The following BRIP1 variants were observed in gnomAD, a reference collection of about 807,000 sequenced individuals.
The protein encoded by BRIP1 is BRCA1 interacting DNA helicase 1.
A neutral mutation model predicts 119.7 loss-of-function variants in BRIP1; 88 were observed. That is an observed-to-expected ratio of 0.74 (90% confidence interval 0.62 to 0.88). The LOEUF is 0.88. BRIP1 is among the 40% of genes least tolerant of loss of function. The pLI is 0.00. For missense variants in BRIP1, 1,259 were observed against 1,455.4 expected, an observed-to-expected ratio of 0.87 and a Z score of 2.20; for synonymous variants, 443 against 496.5, an observed-to-expected ratio of 0.89 and a Z score of 1.43.
rs987810615 is a variant in BRIP1 at position 61,754,879 on chromosome 17, G to A, written c.2098-10288C>T. ...CTATCAGATAAGGAAGGCCCTTACA[G>A]CCTCATTTAACCGCAATTACTTCCT... On this transcript the variant is annotated intron_variant, in intron 14 of 19. Coordinates refer to ENST00000259008, the MANE Select transcript of BRIP1 (RefSeq NM_032043.3). The surrounding 1 kb of genome is among the most constrained non-coding windows in gnomAD (Gnocchi z 4.1). 4.6e-5 allele frequency among the ~76,000 whole-genome samples: 7 copies of A among 152,092 alleles called. No homozygotes were observed. Among genetic ancestry groups the A allele is most frequent in the Admixed American group, 4.6e-4 (7 of 15,266 alleles).
intron 16 of BRIP1, among the ~76,000 whole-genome samples, chr17:61,721,574 C>G (rs986968800): frequency 2.6e-5 from 4 of 151,596 alleles, no homozygotes; most frequent in African/African-American, 4.8e-5. Context: ...TGGCCAAAAT[C>G]TAAAAACCCA....
In BRIP1 at chr17:61,729,855, G is replaced by C. The variant is rs186612309; in HGVS notation, c.2379+13158C>G. Among the ~76,000 whole-genome samples, 3 of 152,102 alleles carry C rather than the reference G, an allele frequency of 2.0e-5. No homozygotes were observed. In the East Asian group the frequency reaches 5.8e-4, roughly 29 times the overall value. On this transcript the variant is annotated intron_variant, in intron 16 of 19. Coordinates refer to ENST00000259008, the MANE Select transcript of BRIP1 (RefSeq NM_032043.3). This position sits in a 1 kb window ranked among gnomAD's most constrained non-coding sequence, Gnocchi z 5.6. ...TTTGGGTTATCACAACTGGTGGCAGGGTGACCGTGGGGGGTGTCTAGATCC... is the reference window on the plus strand; with the variant it reads ...TTTGGGTTATCACAACTGGTGGCAGCGTGACCGTGGGGGGTGTCTAGATCC...
Position 61,832,416 on chromosome 17 carries a change from T to A in BRIP1, c.627+14685A>T, listed in dbSNP as rs1189616197. On this transcript the variant is annotated intron_variant, in intron 6 of 19. Transcript: ENST00000259008. This position sits in a 1 kb window ranked among gnomAD's most constrained non-coding sequence, Gnocchi z 5.5. ...TTCTTCCCCATAAAGTCCTCTTTTA[T>A]AAAGGCAAAAAGATAACTGTAAAGT... is the stretch of plus-strand genomic sequence containing the variant. Among the ~76,000 whole-genome samples the A allele has an allele frequency of 6.6e-6, 1 of 152,208 alleles. No individual in the cohort carries two copies. Among genetic ancestry groups the A allele is most frequent in the Non-Finnish European group, 1.5e-5 (1 of 68,020 alleles).
At chr17:61,849,295 T>TA (rs748240637) in intron 4 of BRIP1, 39 bp from the exon 5 acceptor site, 3 of 1,573,870 alleles carry the variant, frequency 1.9e-6, no homozygotes, top group Non-Finnish European at 2.6e-6. Flanking sequence ...ATAAATAACT[T>TA]ACAGGTAGGC....
At position 61,844,803 on chromosome 17, in the gene BRIP1, T is replaced by G. The variant is rs2078704780; in HGVS notation, c.627+2298A>C. Among the ~76,000 whole-genome samples the G allele has an allele frequency of 6.6e-6, 1 of 152,234 alleles. No homozygotes were observed. The highest frequency in any genetic ancestry group is 1.5e-5 in the Non-Finnish European group (1 of 68,034). On this transcript the variant is annotated intron_variant, in intron 6 of 19. Transcript: ENST00000259008. This position sits in a 1 kb window ranked among gnomAD's most constrained non-coding sequence, Gnocchi z 4.7. ...GCATTTGCCAGAACATGAGAATGCCTAGGCAGGATTTAGCTCTACTATTTA... is the reference window on the plus strand; with the variant it reads ...GCATTTGCCAGAACATGAGAATGCCGAGGCAGGATTTAGCTCTACTATTTA...
intron 14 of BRIP1, among the ~76,000 whole-genome samples, chr17:61,749,818 T>C (rs2077108858): frequency 1.3e-5 from 2 of 152,244 alleles, no homozygotes; most frequent in South Asian, 4.1e-4. Context: ...ATGGAAATGT[T>C]TTCCTAATTT....
At position 61,679,554 on chromosome 17, in the gene BRIP1, A is replaced by G. The variant is rs1031254491; in HGVS notation, c.*3742T>C. Reference sequence around the variant, plus strand: ...TGTCACATAAATTATTTGATAAACAATCTCTACCTTATACATCTCAAAAGC... The same window carrying G: ...TGTCACATAAATTATTTGATAAACAGTCTCTACCTTATACATCTCAAAAGC... On this transcript the variant is annotated 3_prime_UTR_variant, in exon 20 of 20. Transcript: ENST00000259008. This position sits in a 1 kb window ranked among gnomAD's most constrained non-coding sequence, Gnocchi z 4.4. 1.3e-5 allele frequency among the ~76,000 whole-genome samples: 2 copies of G among 152,162 alleles called. No homozygotes were observed. Among genetic ancestry groups the G allele is most frequent in the African/African-American group, 4.8e-5 (2 of 41,444 alleles).
Position 61,844,554 on chromosome 17 carries a change from C to T in BRIP1, c.627+2547G>A, listed in dbSNP as rs114744240. On this transcript the variant is annotated intron_variant, in intron 6 of 19. Transcript: ENST00000259008. The surrounding 1 kb of genome is among the most constrained non-coding windows in gnomAD (Gnocchi z 4.7). ...ACAGTGGGCTATGATCACACCACTG[C>T]GTTACAACATGGGCAACACATTGAG... is the stretch of plus-strand genomic sequence containing the variant. Among the ~76,000 whole-genome samples, 487 of 152,216 alleles carry T rather than the reference C, an allele frequency of 3.2e-3. 4 individuals are homozygous for T. Among genetic ancestry groups the T allele is most frequent in the African/African-American group, 0.011 (459 of 41,526 alleles).
Position 61,708,479 on chromosome 17 carries a change from G to C in BRIP1, c.2492+7472C>G, listed in dbSNP as rs150884567. On this transcript the variant is annotated intron_variant, in intron 17 of 19. Transcript: ENST00000259008. The surrounding 1 kb of genome is among the most constrained non-coding windows in gnomAD (Gnocchi z 4.4). ...TTTCAGGCATTTAGTGGAGGTTGTG[G>C]AATCTATCTTCTGTGGATAAGGAGA... Among the ~76,000 whole-genome samples the C allele has an allele frequency of 6.6e-6, 1 of 152,190 alleles. No homozygotes were observed. The highest frequency in any genetic ancestry group is 2.4e-5 in the African/African-American group (1 of 41,452).
chr17:61,682,648 T>A lies in BRIP1; in HGVS notation c.*648A>T, dbSNP rs2061285187. On this transcript the variant is annotated 3_prime_UTR_variant, in exon 20 of 20. Transcript: ENST00000259008. The surrounding 1 kb of genome is among the most constrained non-coding windows in gnomAD (Gnocchi z 4.9). ...GGTAAAATCTATAGCGAAATATGACTGAGGTGTCACTAGATTAGACTGCTG... is the reference window on the plus strand; with the variant it reads ...GGTAAAATCTATAGCGAAATATGACAGAGGTGTCACTAGATTAGACTGCTG... 5.1e-6 allele frequency: 1 copy of A among 196,896 alleles called. No individual in the cohort carries two copies. Among genetic ancestry groups the A allele is most frequent in the African/African-American group, 2.3e-5 (1 of 43,370 alleles). The allele number at this position is 196,896 out of a possible 1,614,324, so 12.2% of individuals were successfully genotyped here.
At position 61,735,738 on chromosome 17, in the gene BRIP1, C is replaced by T. The variant is rs1249842287; in HGVS notation, c.2379+7275G>A. ...ATCACCTGAGCCCGAGAGGCCAAGG[C>T]TGCAGTGACCCATGACCGCACCACT... On this transcript the variant is annotated intron_variant, in intron 16 of 19. Transcript: ENST00000259008. This position sits in a 1 kb window ranked among gnomAD's most constrained non-coding sequence, Gnocchi z 4.4. 6.6e-6 allele frequency among the ~76,000 whole-genome samples: 1 copy of T among 152,070 alleles called. No individual in the cohort carries two copies.
chr17:61,709,269 G>A lies in BRIP1; in HGVS notation c.2492+6682C>T, dbSNP rs2061737676. 6.6e-6 allele frequency among the ~76,000 whole-genome samples: 1 copy of A among 152,104 alleles called. No individual in the cohort carries two copies. The highest frequency in any genetic ancestry group is 6.6e-5 in the Admixed American group (1 of 15,262). On this transcript the variant is annotated intron_variant, in intron 17 of 19. Coordinates refer to ENST00000259008, the MANE Select transcript of BRIP1 (RefSeq NM_032043.3). The surrounding 1 kb of genome is among the most constrained non-coding windows in gnomAD (Gnocchi z 5.0). ...GGCTGTTTTCCAGTGTTCAAAATGT[G>A]TTGATATCGCTTGTCTGTCACTGTC...
At chr17:61,715,502 G>A (rs561958588) in intron 17 of BRIP1, among the ~76,000 whole-genome samples, 173 of 152,142 alleles carry the variant, frequency 1.1e-3, no homozygotes, top group Non-Finnish European at 1.9e-3. Flanking sequence ...CACAGATTCC[G>A]TACTGAAAGT....
In BRIP1 at chr17:61,686,501, C is replaced by CT. The variant is rs889949105; in HGVS notation, c.2576-337dup. On this transcript the variant is annotated intron_variant, in intron 18 of 19. Transcript: ENST00000259008. This position sits in a 1 kb window ranked among gnomAD's most constrained non-coding sequence, Gnocchi z 5.4. ...CATCATAATTCCCCACAAAAATTGC[C>CT]TTTTTTTTTTGTAGGGAAACTAGAA... 7.7e-4 allele frequency among the ~76,000 whole-genome samples: 114 copies of CT among 147,118 alleles called. No homozygotes were observed. The highest frequency in any genetic ancestry group is 1.1e-3 in the South Asian group (5 of 4,618).
At chr17:61,859,467 G>A (rs1461056990) in intron 3 of BRIP1, among the ~76,000 whole-genome samples, 1 of 152,134 alleles carries the variant, frequency 6.6e-6, no homozygotes, top group Non-Finnish European at 1.5e-5. Context: ...AAGTAGCTGG[G>A]ACTACAAGTG....
At position 61,802,846 on chromosome 17, in the gene BRIP1, A is replaced by G. The variant is rs1416547395; in HGVS notation, c.919-1372T>C. 1.3e-5 allele frequency among the ~76,000 whole-genome samples: 2 copies of G among 152,238 alleles called. No individual in the cohort carries two copies. The highest frequency in any genetic ancestry group is 3.8e-4 in the East Asian group (2 of 5,202). ...AGGTATTTTTAAGTTTCTTGAAAAC[A>G]TATAGTGAAATTATCCTCCAGAAAG... On this transcript the variant is annotated intron_variant, in intron 7 of 19. Coordinates refer to ENST00000259008, the MANE Select transcript of BRIP1 (RefSeq NM_032043.3). The surrounding 1 kb of genome is among the most constrained non-coding windows in gnomAD (Gnocchi z 6.0).
chr17:61,808,365 T>C lies in BRIP1; in HGVS notation c.918+102A>G. 1.6e-6 allele frequency: 2 copies of C among 1,242,098 alleles called. No individual in the cohort carries two copies. Among genetic ancestry groups the C allele is most frequent in the Non-Finnish European group, 2.3e-6 (2 of 867,108 alleles). The allele number at this position is 1,242,098 out of a possible 1,614,324, so 76.9% of individuals were successfully genotyped here. A position where few individuals can be genotyped will look rare whatever the true frequency, so the allele number is the denominator to read the frequency against. ...TCAATACTAGCAGTTAATTTGATTT[T>C]CCGAAGTTGATTATCACTAAAATGT... On this transcript the variant is annotated intron_variant, in intron 7 of 19. Transcript: ENST00000259008. The surrounding 1 kb of genome is among the most constrained non-coding windows in gnomAD (Gnocchi z 4.1).
rs1276979779 is a variant in BRIP1, at chr17:61,798,177, T to C, written c.1340+923A>G. 1.3e-5 allele frequency among the ~76,000 whole-genome samples: 2 copies of C among 151,984 alleles called. No individual in the cohort carries two copies. The highest frequency in any genetic ancestry group is 1.3e-4 in the Admixed American group (2 of 15,236). On this transcript the variant is annotated intron_variant, in intron 9 of 19. Coordinates refer to ENST00000259008, the MANE Select transcript of BRIP1 (RefSeq NM_032043.3). This position sits in a 1 kb window ranked among gnomAD's most constrained non-coding sequence, Gnocchi z 5.5. ...GAGGCTGGTTAAATAAACTATTGCA[T>C]ATCTATCTAATGGAATTCTAGATAT...
At chr17:61,716,831 G>GAAATAATATGCTTCCAT (rs371307141) in intron 16 of BRIP1, among the ~76,000 whole-genome samples, 293 of 149,824 alleles carry the variant, frequency 2.0e-3, no homozygotes, top group East Asian at 2.4e-3. Flanking sequence ...TCCACTACTG[G>GAAATAATATGCTTCCAT]ATTATTAGCT....
Sources: allele counts gnomAD v4.1 joint callset (sites outside exome capture counted in the v4.1 genomes callset), GRCh38; gene constraint gnomAD v4.1.1; non-coding constraint Gnocchi (gnomAD v3.1); transcripts MANE v1.5; gene names NCBI Gene and HGNC (gene_info 2026-07-23, HGNC 2026-07-21).